Variants in ATP11C observed in about 807,000 individuals in gnomAD.
ATP11C encodes phospholipid-transporting ATPase IG.
Under a neutral mutation model 97.4 loss-of-function variants are expected in ATP11C, and 36 were observed. The ratio of observed to expected loss-of-function variants is 0.37; its 90% CI spans 0.28 to 0.49. ATP11C has a LOEUF of 0.49. Among genes scored for constraint, ATP11C ranks in the 20% least tolerant of loss-of-function variants. The probability of loss-of-function intolerance (pLI) is 0.98; values close to 1 mark genes in which losing one functional copy is unlikely to be tolerated. For synonymous variants in ATP11C, 275 were observed against 290.9 expected, an observed-to-expected ratio of 0.95 and a Z score of 0.56; for missense variants, 730 against 824.6, an observed-to-expected ratio of 0.89 and a Z score of 1.40.
chrX:139,934,566 T>G (rs772191911), upstream of ATP11C, among the ~76,000 whole-genome samples: 336 of 102,127 alleles, frequency 3.3e-3, 2 homozygotes, highest in African/African-American at 0.011. Context: ...TTTTTTTTTT[T>G]TTTTTTGAGA....
At chrX:139,815,157 A>G (rs1204382837) in intron 4 of ATP11C, among the ~76,000 whole-genome samples, 172 bp from the exon 5 acceptor site, 2 of 112,376 alleles carry the variant, frequency 1.8e-5, no homozygotes, top group Non-Finnish European at 3.8e-5. Context: ...TCTGAGACAC[A>G]CTTTCAAAAT....
At chrX:139,866,356 A>AC (rs1268312779) in intron 1 of ATP11C, among the ~76,000 whole-genome samples, 1 of 105,460 alleles carries the variant, frequency 9.5e-6, no homozygotes, top group Non-Finnish European at 1.9e-5. Flanking sequence ...AAAAAAAAAA[A>AC]AAAAAAAAAA....
chrX:139,835,137 G>A (rs1011973109), intron 1 of ATP11C, among the ~76,000 whole-genome samples: 2 of 112,020 alleles, frequency 1.8e-5, no homozygotes, highest in African/African-American at 6.5e-5. Flanking sequence ...AGGTTATGAG[G>A]TGAGATCAGT....
intron 1 of ATP11C, among the ~76,000 whole-genome samples, chrX:139,890,481 A>G (rs1050453732): frequency 9.8e-5 from 11 of 111,748 alleles, no homozygotes; most frequent in Non-Finnish European, 2.1e-4. Flanking sequence ...TCAGTGAGCT[A>G]TGAAAATGCC....
chrX:139,879,980 G>C (rs1424430748), intron 1 of ATP11C, among the ~76,000 whole-genome samples: 1 of 110,941 alleles, frequency 9.0e-6, no homozygotes, highest in African/African-American at 3.3e-5. Context: ...GTGATTTCAA[G>C]TATGTGTGCC....
chrX:139,778,944 T>C (rs2082400907), intron 18 of ATP11C, among the ~76,000 whole-genome samples: 1 of 111,757 alleles, frequency 8.9e-6, no homozygotes, highest in Non-Finnish European at 1.9e-5. Context: ...TTGATCTTCC[T>C]ATATCAGATA....
chrX:139,909,093 G>C (rs757576080), intron 1 of ATP11C, among the ~76,000 whole-genome samples: 69 of 111,788 alleles, frequency 6.2e-4, no homozygotes, highest in African/African-American at 2.2e-3. Flanking sequence ...CTCAGTGACA[G>C]AGACTTTAAA....
chrX:139,901,820 G>T (rs770881985), intron 1 of ATP11C, among the ~76,000 whole-genome samples: 13 of 111,361 alleles, frequency 1.2e-4, no homozygotes, highest in African/African-American at 4.2e-4. Flanking sequence ...GTCTAAAACG[G>T]GGAGATAAAA....
intron 1 of ATP11C, among the ~76,000 whole-genome samples, chrX:139,912,217 A>C (rs746733109): frequency 9.1e-6 from 1 of 109,565 alleles, no homozygotes; most frequent in Non-Finnish European, 1.9e-5. Context: ...AATATTGAGT[A>C]AAAAACAATA....
chrX:139,772,530 G>A (rs772063560), intron 19 of ATP11C, among the ~76,000 whole-genome samples: 3 of 111,941 alleles, frequency 2.7e-5, no homozygotes, highest in South Asian at 7.5e-4. Context: ...ATGCCAGCCT[G>A]TGAAAGCAGC....
intron 18 of ATP11C, among the ~76,000 whole-genome samples, chrX:139,775,864 A>AC (rs971145281): frequency 4.4e-5 from 5 of 112,556 alleles, no homozygotes; most frequent in Non-Finnish European, 9.4e-5. Flanking sequence ...CCAATGCCCT[A>AC]CCTAGGGGAA....
intron 1 of ATP11C, among the ~76,000 whole-genome samples, chrX:139,876,255 A>C (rs367584605): frequency 7.1e-5 from 8 of 112,132 alleles, no homozygotes; most frequent in African/African-American, 2.6e-4. Context: ...CACTTCTCTA[A>C]CAAGAACAAA....
chrX:139,892,596 C>T (rs1451000042), intron 1 of ATP11C, among the ~76,000 whole-genome samples: 1 of 111,511 alleles, frequency 9.0e-6, no homozygotes, highest in Non-Finnish European at 1.9e-5. Context: ...ACCATTGTAC[C>T]CATAAAAGGA....
chrX:139,819,942 C>T (rs2491003), intron 2 of ATP11C, among the ~76,000 whole-genome samples: 21,029 of 111,165 alleles, frequency 0.19, 3,385 homozygotes, highest in African/African-American at 0.52. Context: ...TCCCAGCACT[C>T]TGGGAGGCCA....
intron 5 of ATP11C, among the ~76,000 whole-genome samples, chrX:139,809,145 T>TA (rs1301057670): frequency 1.8e-5 from 2 of 109,761 alleles, no homozygotes; most frequent in Non-Finnish European, 3.8e-5. Context: ...AAAAAGATAA[T>TA]TACAACCTAG....
intron 14 of ATP11C, 115 bp from the exon 15 acceptor site, chrX:139,787,359 G>A (rs986239690): frequency 2.1e-5 from 11 of 523,522 alleles, no homozygotes; most frequent in South Asian, 1.6e-4. Context: ...GTGCAGTGGC[G>A]CGATCTCGGC....
intron 16 of ATP11C, among the ~76,000 whole-genome samples, chrX:139,784,136 C>A (rs2082523787): frequency 8.9e-6 from 1 of 112,097 alleles, no homozygotes; most frequent in South Asian, 3.7e-4. Context: ...AGGGAAACAA[C>A]CGAGGTCAAC....
chrX:139,782,760 C>A, intron 17 of ATP11C, 32 bp from the exon 18 acceptor site: 2 of 980,300 alleles, frequency 2.0e-6, no homozygotes, highest in South Asian at 2.3e-5. Context: ...TGTAGTTATT[C>A]TAATAATAGT....
chrX:139,766,398 G>A (rs2082135300), intron 20 of ATP11C, among the ~76,000 whole-genome samples: 2 of 111,845 alleles, frequency 1.8e-5, no homozygotes, highest in Middle Eastern at 4.7e-3. Flanking sequence ...AAAAGAGATC[G>A]CTTTTGCAGG....
Sources: gnomAD v4.1 joint callset for allele counts (sites outside exome capture counted in the v4.1 genomes callset) on GRCh38, gnomAD v4.1.1 for gene constraint, MANE v1.5 for transcripts, NCBI Gene and HGNC (gene_info 2026-07-23, HGNC 2026-07-21) for gene names.